ING1: variants seen among roughly 807,000 people sequenced by gnomAD.
ING1 encodes inhibitor of growth protein 1.
In ING1, 4 loss-of-function variants were observed where a neutral mutation model predicts 23.1. That is an observed-to-expected ratio of 0.17 (90% CI 0.09 to 0.40). ING1 has a LOEUF of 0.40. Ranked by LOEUF, ING1 falls within the 10% of genes least tolerant of loss-of-function variation. ING1 has a pLI of 1.00. For missense variants in ING1, 256 were observed against 393.8 expected (o/e 0.65, Z 2.96); for synonymous variants, 179 against 166.4 (o/e 1.08, Z -0.58).
intron 1 of ING1, chr13:110,715,602 T>C (rs2064109686): frequency 6.2e-7 from 1 of 1,614,058 alleles, no homozygotes; most frequent in South Asian, 1.1e-5. Flanking sequence ...GACGAGTTGA[T>C]TTGAACGTCT....
chr13:110,713,416 T>C, upstream of ING1: 1 of 1,007,564 alleles, frequency 9.9e-7, no homozygotes, highest in Non-Finnish European at 1.2e-6. Flanking sequence ...CAACAGGCTC[T>C]GCCTCCAAGT....
chr13:110,722,286 T>A lies in ING1; in HGVS notation c.*2354T>A, dbSNP rs533754119. On this transcript the variant is annotated 3_prime_UTR_variant, in exon 2 of 2. Transcript: ENST00000333219. ...TGATGAGATTTACCCAAACAAATAG[T>A]GAACAAAAGGTTTATGAAAATAAGT... The A allele has an allele frequency of 6.6e-6, 1 of 152,352 alleles. No individual in the cohort carries two copies. Among genetic ancestry groups the A allele is most frequent in the South Asian group, 2.1e-4 (1 of 4,834 alleles). The allele number at this position is 152,352 out of a possible 1,614,324, so 9.4% of individuals were successfully genotyped here.
At chr13:110,715,584 G>T in intron 1 of ING1, 1 of 1,614,152 alleles carries the variant, frequency 6.2e-7, no homozygotes, top group Non-Finnish European at 8.5e-7. Flanking sequence ...GGAGCGGGGT[G>T]GAGGGTGGAC....
intron 1 of ING1, among the ~76,000 whole-genome samples, chr13:110,717,299 C>T (rs1380460303): frequency 6.6e-6 from 1 of 152,154 alleles, no homozygotes. Context: ...GGGCTTTCCT[C>T]CTGGTGGCAG....
Position 110,720,241 on chromosome 13 carries a change from G to T in ING1, c.*309G>T. On this transcript the variant is annotated 3_prime_UTR_variant, in exon 2 of 2. Transcript: ENST00000333219. The stretch of plus-strand genomic sequence containing the variant: ...AAACTCAACCTAACACATTAAATGT[G>T]GAAGGAAAATATTTCATTTAGCTTT... The T allele has an allele frequency of 4.6e-6, 1 of 215,118 alleles. No individual in the cohort carries two copies. The highest frequency in any genetic ancestry group is 1.1e-4 in the East Asian group (1 of 9,326). 13.3% of individuals were successfully genotyped at this position (215,118 alleles called of 1,614,324 possible).
upstream of ING1, chr13:110,713,528 G>T: frequency 9.1e-6 from 9 of 986,400 alleles, no homozygotes; most frequent in Non-Finnish European, 1.1e-5. Context: ...AAAGTGACAG[G>T]CAAGGCCACG....
chr13:110,714,365 C>T, intron 1 of ING1, 80 bp downstream of exon 1: 1 of 1,271,080 alleles, frequency 7.9e-7, no homozygotes. Context: ...CGGGCCGGTC[C>T]TGCCGTGGAC....
chr13:110,713,053 C>G, upstream of ING1: 1 of 1,463,494 alleles, frequency 6.8e-7, no homozygotes, highest in Non-Finnish European at 9.0e-7. Context: ...GCCGCCACTT[C>G]CGCCCGTGCC....
intron 1 of ING1, among the ~76,000 whole-genome samples, chr13:110,714,568 CG>C (rs1487021594): frequency 3.3e-5 from 3 of 91,726 alleles, no homozygotes; most frequent in Non-Finnish European, 4.4e-5. Context: ...GCGGGTGCTG[CG>C]GGGGAGGGGG....
At chr13:110,715,599 T>G in intron 1 of ING1, 1 of 1,614,100 alleles carries the variant, frequency 6.2e-7, no homozygotes, top group Non-Finnish European at 8.5e-7. Flanking sequence ...GTGGACGAGT[T>G]GATTTGAACG....
upstream of ING1, chr13:110,712,788 A>C: frequency 1.4e-6 from 1 of 725,720 alleles, no homozygotes; most frequent in Non-Finnish European, 2.5e-6. Flanking sequence ...GGCCTAGGGA[A>C]GGCGCCCCTC....
upstream of ING1, chr13:110,713,286 C>T (rs183908864): frequency 8.3e-5 from 106 of 1,278,216 alleles, no homozygotes; most frequent in East Asian, 1.6e-3. Flanking sequence ...GAGCGAGTTG[C>T]GGTAGTTGCT....
Position 110,713,806 on chromosome 13 carries a change from G to A in ING1, c.-344G>A. ...ACCCAGCCCAGTGGGCGAGTGGGCA[G>A]CGGCGGCCGCGGCGCTGGGCCCTCT... On this transcript the variant is annotated 5_prime_UTR_variant, in exon 1 of 2. Coordinates refer to ENST00000333219, the MANE Select transcript of ING1 (RefSeq NM_198219.3). 1 of 983,974 alleles carries A rather than the reference G, an allele frequency of 1.0e-6. No individual in the cohort carries two copies. Among genetic ancestry groups the A allele is most frequent in the Non-Finnish European group, 1.2e-6 (1 of 829,174 alleles). The allele number at this position is 983,974 out of a possible 1,614,324, so 61.0% of individuals were successfully genotyped here.
rs755401684 is a variant in ING1, at chr13:110,721,089, C to T, written c.*1157C>T. On this transcript the variant is annotated 3_prime_UTR_variant, in exon 2 of 2. Transcript: ENST00000333219. ...AGCGGAACACAGCCGTGCTTATGTG[C>T]GTATGTATTGTCTGACTGCTTTTGC... The T allele has an allele frequency of 1.8e-5, 3 of 166,864 alleles. No individual in the cohort carries two copies. Among genetic ancestry groups the T allele is most frequent in the East Asian group, 1.9e-4 (1 of 5,200 alleles). 10.3% of individuals were successfully genotyped at this position (166,864 alleles called of 1,614,324 possible).
rs758157180 is a variant in ING1 at position 110,719,823 on chromosome 13, A to T, written c.731A>T (p.Asn244Ile). Residue 244 changes from asparagine (N) to isoleucine (I), a missense_variant, in exon 2 of 2, where the codon AAT becomes ATT. Physicochemically the swap from Asn to Ile is moderately radical, Grantham distance 149. Coordinates refer to ENST00000333219, the MANE Select transcript of ING1 (RefSeq NM_198219.3). This position sits in a 1 kb window ranked among gnomAD's most constrained non-coding sequence, Gnocchi z 8.9. Reference sequence around the variant, plus strand: ...TTCCACTTCTCGTGCGTGGGGCTCAATCATAAACCCAAGGGCAAGTGGTAC... The same window carrying T: ...TTCCACTTCTCGTGCGTGGGGCTCATTCATAAACCCAAGGGCAAGTGGTAC... ...EWFHFSCVGL[N>I]HKPKGKWYCP... is the part of the protein sequence containing the mutation. The T allele has an allele frequency of 6.2e-7, 1 of 1,613,918 alleles. No homozygotes were observed.
intron 1 of ING1, chr13:110,715,327 T>A: frequency 2.8e-6 from 4 of 1,444,758 alleles, no homozygotes; most frequent in Non-Finnish European, 3.6e-6. Context: ...TAGACGCCTC[T>A]GCCGGGAAGG....
chr13:110,721,498 G>A lies in ING1; in HGVS notation c.*1566G>A, dbSNP rs2064171714. The A allele has an allele frequency of 6.6e-6, 1 of 152,018 alleles. No individual in the cohort carries two copies. Among genetic ancestry groups the A allele is most frequent in the African/African-American group, 2.4e-5 (1 of 41,336 alleles). The allele number at this position is 152,018 out of a possible 1,614,324, so 9.4% of individuals were successfully genotyped here. ...GCTGGTCTCGCACTCCCGACCTCAG[G>A]TGATCCACCTGCCTCAGCCTTCCAA... On this transcript the variant is annotated 3_prime_UTR_variant, in exon 2 of 2. Coordinates refer to ENST00000333219, the MANE Select transcript of ING1 (RefSeq NM_198219.3).
upstream of ING1, chr13:110,712,647 A>T (rs1488940171): frequency 1.7e-6 from 1 of 577,830 alleles, no homozygotes; most frequent in South Asian, 1.6e-5. Context: ...GACGCGGGGG[A>T]GGGCGGTCCG....
At chr13:110,715,898 G>A (rs1257953391) in intron 1 of ING1, 4 of 1,585,834 alleles carry the variant, frequency 2.5e-6, no homozygotes, top group Non-Finnish European at 3.4e-6. Context: ...TGGGCTCGGG[G>A]CCGGGGCTGC....
Sources: allele counts gnomAD v4.1 joint callset (sites outside exome capture counted in the v4.1 genomes callset), GRCh38; gene constraint gnomAD v4.1.1; non-coding constraint Gnocchi (gnomAD v3.1); transcripts MANE v1.5; gene names NCBI Gene and HGNC (gene_info 2026-07-23, HGNC 2026-07-21).